The following CSMD1 variants were observed in gnomAD, a reference collection of about 807,000 sequenced individuals.
CSMD1 encodes CUB and sushi domain-containing protein 1.
CSMD1 carries 213 observed loss-of-function variants against 417.5 expected under a neutral mutation model. The ratio of observed to expected loss-of-function variants is 0.51; its 90% CI spans 0.46 to 0.57. The LOEUF (loss-of-function observed/expected upper bound fraction) is 0.57, where lower values mean the gene tolerates loss of function less well. Ranked by LOEUF, CSMD1 falls within the 20% of genes least tolerant of loss-of-function variation. CSMD1 has a pLI of 0.00. For missense variants in CSMD1, 6,923 were observed against 4,529.7 expected (o/e 1.53, Z -15.17); for synonymous variants, 2,862 against 1,736.8 (o/e 1.65, Z -16.11).
intron 3 of CSMD1, among the ~76,000 whole-genome samples, chr8:4,216,265 C>G (rs775198143): frequency 6.6e-6 from 1 of 152,040 alleles, no homozygotes; most frequent in Admixed American, 6.6e-5. Flanking sequence ...TTTCACTCTA[C>G]GAGACCTGAC....
intron 26 of CSMD1, among the ~76,000 whole-genome samples, chr8:3,258,022 T>C (rs978068304): frequency 6.6e-6 from 1 of 152,150 alleles, no homozygotes; most frequent in Admixed American, 6.5e-5. Flanking sequence ...TGGAGGAGAC[T>C]CAGCCATGGG....
At chr8:3,864,760 C>A (rs1230021698) in intron 5 of CSMD1, among the ~76,000 whole-genome samples, 1 of 152,124 alleles carries the variant, frequency 6.6e-6, no homozygotes, top group African/African-American at 2.4e-5. Context: ...AAACTATAGG[C>A]ACCATCGTGG....
At chr8:3,059,787 G>A (rs1298671863) in intron 49 of CSMD1, among the ~76,000 whole-genome samples, 4 of 152,142 alleles carry the variant, frequency 2.6e-5, no homozygotes, top group African/African-American at 9.7e-5. Context: ...GGGACCAACA[G>A]GGTGTGGGAG....
intron 3 of CSMD1, among the ~76,000 whole-genome samples, chr8:4,329,596 C>T (rs1475725682): frequency 1.3e-5 from 2 of 151,968 alleles, no homozygotes; most frequent in Non-Finnish European, 2.9e-5. Context: ...CCAAAAAATA[C>T]TTATTTTTCT....
At chr8:4,487,757 T>G (rs919536913) in intron 2 of CSMD1, among the ~76,000 whole-genome samples, 2 of 152,220 alleles carry the variant, frequency 1.3e-5, no homozygotes, top group Non-Finnish European at 2.9e-5. Flanking sequence ...CTAACTGCCT[T>G]AATCGTCTAA....
chr8:4,164,594 G>C (rs533804965), intron 3 of CSMD1, among the ~76,000 whole-genome samples: 28 of 152,066 alleles, frequency 1.8e-4, no homozygotes, highest in Non-Finnish European at 3.7e-4. Context: ...TTTCATAGTA[G>C]TAATTTATTT....
chr8:3,429,572 C>T lies in CSMD1; in HGVS notation c.1562-19967G>A, dbSNP rs1375679073. ...AATATCTTTCACTATGAGGTATTCG[C>T]ACTCTGGGAGGGGTCAACAATGTTC... is the stretch of plus-strand genomic sequence containing the variant. On this transcript the variant is annotated intron_variant, in intron 12 of 69. Coordinates refer to ENST00000635120, the MANE Select transcript of CSMD1 (RefSeq NM_033225.6). 2.0e-5 allele frequency among the ~76,000 whole-genome samples: 3 copies of T among 152,146 alleles called. No homozygotes were observed. The East Asian group carries it at 5.8e-4, about 29-fold the overall frequency.
chr8:3,907,113 T>G (rs1248695329), intron 5 of CSMD1, among the ~76,000 whole-genome samples: 1 of 152,236 alleles, frequency 6.6e-6, no homozygotes, highest in Non-Finnish European at 1.5e-5. Context: ...CTTCTTCGGC[T>G]TCCCACTATT....
At chr8:4,963,063 G>A (rs1809612507) in intron 1 of CSMD1, among the ~76,000 whole-genome samples, 1 of 152,112 alleles carries the variant, frequency 6.6e-6, no homozygotes, top group Non-Finnish European at 1.5e-5. Flanking sequence ...CTGCACCCAG[G>A]AGCTCAGGTG....
At chr8:4,204,288 A>C (rs1420514408) in intron 3 of CSMD1, among the ~76,000 whole-genome samples, 1 of 152,012 alleles carries the variant, frequency 6.6e-6, no homozygotes, top group Non-Finnish European at 1.5e-5. Flanking sequence ...CTCAATTTGG[A>C]AGTTTTTGGT....
intron 1 of CSMD1, among the ~76,000 whole-genome samples, chr8:4,833,957 A>C (rs1431833440): frequency 6.6e-6 from 1 of 152,152 alleles, no homozygotes; most frequent in Non-Finnish European, 1.5e-5. Flanking sequence ...ACTAGTCTTC[A>C]CTATCTTAGC....
At chr8:4,040,798 A>G (rs1280823481) in intron 3 of CSMD1, among the ~76,000 whole-genome samples, 2 of 152,176 alleles carry the variant, frequency 1.3e-5, no homozygotes, top group Non-Finnish European at 2.9e-5. Context: ...TAGATTTTCA[A>G]AAGATTTTTA....
At chr8:3,623,977 A>G (rs555548164) in intron 7 of CSMD1, among the ~76,000 whole-genome samples, 1 of 151,608 alleles carries the variant, frequency 6.6e-6, no homozygotes, top group East Asian at 1.9e-4. Flanking sequence ...ACTCCACAAA[A>G]AAACAAAACA....
intron 2 of CSMD1, among the ~76,000 whole-genome samples, chr8:4,560,583 G>T (rs562835321): frequency 2.6e-5 from 4 of 152,178 alleles, no homozygotes; most frequent in Non-Finnish European, 5.9e-5. Flanking sequence ...GTGCTGGAGC[G>T]GTATGGCAGA....
intron 5 of CSMD1, among the ~76,000 whole-genome samples, chr8:3,956,875 C>T (rs1180423028): frequency 1.3e-5 from 2 of 152,108 alleles, no homozygotes; most frequent in Non-Finnish European, 2.9e-5. Context: ...TGGAATGCTG[C>T]AAATGTACAG....
chr8:3,659,082 T>C (rs932741750), intron 7 of CSMD1, among the ~76,000 whole-genome samples: 7 of 152,184 alleles, frequency 4.6e-5, no homozygotes, highest in African/African-American at 1.7e-4. Context: ...ATTTCCGAAA[T>C]GGTAATCTAA....
At chr8:3,061,729 G>C (rs961574962) in intron 49 of CSMD1, among the ~76,000 whole-genome samples, 2 of 152,180 alleles carry the variant, frequency 1.3e-5, no homozygotes, top group African/African-American at 4.8e-5. Context: ...GCCTTTATCA[G>C]TATAATATCT....
At chr8:4,903,905 A>G (rs910728825) in intron 1 of CSMD1, among the ~76,000 whole-genome samples, 2 of 152,236 alleles carry the variant, frequency 1.3e-5, no homozygotes, top group African/African-American at 2.4e-5. Context: ...GCATTTATTG[A>G]CATTGAAGAC....
intron 11 of CSMD1, among the ~76,000 whole-genome samples, chr8:3,471,291 C>G (rs888449807): frequency 6.6e-6 from 1 of 152,100 alleles, no homozygotes; most frequent in South Asian, 2.1e-4. Flanking sequence ...AATGAGAGGT[C>G]TCTCTTTTCC....
Sources: allele counts gnomAD v4.1 joint callset (sites outside exome capture counted in the v4.1 genomes callset), GRCh38; gene constraint gnomAD v4.1.1; transcripts MANE v1.5; gene names NCBI Gene and HGNC (gene_info 2026-07-23, HGNC 2026-07-21).